THSD4: variants seen among roughly 807,000 people sequenced by gnomAD.
The protein encoded by THSD4 is thrombospondin type-1 domain-containing protein 4.
A neutral mutation model predicts 119.0 loss-of-function variants in THSD4; 69 were observed. That is an observed-to-expected ratio of 0.58 (90% CI 0.48 to 0.71). The LOEUF (loss-of-function observed/expected upper bound fraction) is 0.71. Among genes scored for constraint, THSD4 ranks in the 30% least tolerant of loss-of-function variants. The probability of loss-of-function intolerance (pLI) is 0.00; values close to 1 mark genes in which losing one functional copy is unlikely to be tolerated. For missense variants in THSD4, 1,393 were observed against 1,391.1 expected, an observed-to-expected ratio of 1.00 and a Z score of -0.02; for synonymous variants, 524 against 540.4, an observed-to-expected ratio of 0.97 and a Z score of 0.42.
chr15:71,290,521 A>G (rs1420052177), intron 6 of THSD4, among the ~76,000 whole-genome samples: 1 of 152,200 alleles, frequency 6.6e-6, no homozygotes, highest in African/African-American at 2.4e-5. Context: ...ACTGTTGTTT[A>G]CAATGACATT....
chr15:71,441,843 G>T (rs946463256), intron 7 of THSD4, among the ~76,000 whole-genome samples: 1 of 152,106 alleles, frequency 6.6e-6, no homozygotes, highest in Non-Finnish European at 1.5e-5. Context: ...TACTGACCCC[G>T]CAGGTTTGTG....
chr15:71,568,732 C>A (rs2049291726), intron 7 of THSD4, among the ~76,000 whole-genome samples: 1 of 152,024 alleles, frequency 6.6e-6, no homozygotes, highest in Non-Finnish European at 1.5e-5. Flanking sequence ...TCATGCTATC[C>A]CTCCCCCTTC....
intron 9 of THSD4, chr15:71,730,048 G>A (rs1321431765): frequency 6.6e-6 from 1 of 152,162 alleles, no homozygotes; most frequent in African/African-American, 2.4e-5. Flanking sequence ...TCAGTAGGGA[G>A]TGGCAAGAGA....
chr15:71,499,982 C>G (rs911827248), intron 7 of THSD4, among the ~76,000 whole-genome samples: 1 of 152,050 alleles, frequency 6.6e-6, no homozygotes, highest in African/African-American at 2.4e-5. Flanking sequence ...GTTTTCAGTT[C>G]TTTTGGATAG....
At chr15:71,593,684 C>T (rs531886253) in intron 7 of THSD4, among the ~76,000 whole-genome samples, 71 of 152,048 alleles carry the variant, frequency 4.7e-4, no homozygotes, top group African/African-American at 1.6e-3. Context: ...TTACAAGAGC[C>T]CAGGAGTTTG....
In THSD4 at chr15:71,288,721, G is replaced by A. The variant is rs146939869; in HGVS notation, c.1015+32006G>A. On this transcript the variant is annotated intron_variant, in intron 6 of 17. Coordinates refer to ENST00000261862, the MANE Select transcript of THSD4 (RefSeq NM_024817.3). ...TCATCTGTTTATTCAGTAAATTTCC[G>A]TATCTTACTAATCACAACAGCATCC... Among the ~76,000 whole-genome samples the A allele has an allele frequency of 6.9e-3, 1,043 of 152,246 alleles. 10 individuals are homozygous for A. Among genetic ancestry groups the A allele is most frequent in the African/African-American group, 0.024 (1,004 of 41,552 alleles).
chr15:71,507,884 C>A (rs2048215094), intron 7 of THSD4, among the ~76,000 whole-genome samples: 1 of 152,206 alleles, frequency 6.6e-6, no homozygotes, highest in Non-Finnish European at 1.5e-5. Flanking sequence ...CTCAACTGAG[C>A]AAATTAACCA....
At chr15:71,579,584 A>G (rs1426234880) in intron 7 of THSD4, among the ~76,000 whole-genome samples, 2 of 152,190 alleles carry the variant, frequency 1.3e-5, no homozygotes, top group Admixed American at 6.5e-5. Flanking sequence ...CTGAGAAAAG[A>G]TTGCTACTGT....
chr15:71,714,808 C>T (rs2052576331), intron 8 of THSD4, among the ~76,000 whole-genome samples: 1 of 152,310 alleles, frequency 6.6e-6, no homozygotes, highest in Middle Eastern at 3.4e-3. Context: ...GCACTCCAGC[C>T]TGGGCAACAA....
intron 7 of THSD4, among the ~76,000 whole-genome samples, chr15:71,471,490 G>T (rs1478117506): frequency 6.6e-6 from 1 of 151,922 alleles, no homozygotes; most frequent in African/African-American, 2.4e-5. Context: ...GTGCCCCTCT[G>T]AGGCCCTCCA....
chr15:71,502,835 T>G (rs1375855933), intron 7 of THSD4, among the ~76,000 whole-genome samples: 1 of 152,182 alleles, frequency 6.6e-6, no homozygotes, highest in Non-Finnish European at 1.5e-5. Context: ...AATGAGGTCT[T>G]TCTGACAAAT....
chr15:71,104,581 A>T (rs146042471), intron 1 of THSD4, among the ~76,000 whole-genome samples: 1 of 152,240 alleles, frequency 6.6e-6, no homozygotes, highest in African/African-American at 2.4e-5. Flanking sequence ...TAGAGAACAC[A>T]GTCTCAATAG....
intron 7 of THSD4, among the ~76,000 whole-genome samples, chr15:71,553,326 CTTTTT>C (rs11288031): frequency 7.5e-6 from 1 of 133,498 alleles, no homozygotes; most frequent in Non-Finnish European, 1.6e-5. Context: ...TTCTACTAGA[CTTTTT>C]TTTTTTTTTT....
intron 7 of THSD4, among the ~76,000 whole-genome samples, chr15:71,490,282 C>T (rs1305818812): frequency 1.3e-5 from 2 of 152,000 alleles, no homozygotes; most frequent in African/African-American, 2.4e-5. Flanking sequence ...AAAATTAGGC[C>T]GGGCGTGGTG....
At chr15:71,403,817 C>T (rs1419151934) in intron 6 of THSD4, among the ~76,000 whole-genome samples, 2 of 146,464 alleles carry the variant, frequency 1.4e-5, no homozygotes, top group Non-Finnish European at 3.0e-5. Context: ...CCCTATGGGA[C>T]TTGGGGGCAA....
At chr15:71,129,375 T>G (rs1481440478) in intron 1 of THSD4, among the ~76,000 whole-genome samples, 1 of 152,194 alleles carries the variant, frequency 6.6e-6, no homozygotes, top group Admixed American at 6.5e-5. Context: ...TTTCTAGTTC[T>G]GGTTTGAGTC....
intron 6 of THSD4, among the ~76,000 whole-genome samples, chr15:71,398,719 C>G (rs185947134): frequency 1.3e-5 from 2 of 152,112 alleles, no homozygotes; most frequent in East Asian, 3.9e-4. Flanking sequence ...CCAGGGGGTG[C>G]AGAAAGAGGG....
At chr15:71,509,548 G>A (rs4315298) in intron 7 of THSD4, among the ~76,000 whole-genome samples, 62,510 of 152,054 alleles carry the variant, frequency 0.41, 15,552 homozygotes, top group East Asian at 0.77. Flanking sequence ...AGCAGCAAGG[G>A]CATTTCGACT....
intron 7 of THSD4, among the ~76,000 whole-genome samples, chr15:71,616,267 AG>A (rs1000897012): frequency 1.3e-5 from 2 of 152,190 alleles, no homozygotes; most frequent in African/African-American, 4.8e-5. Flanking sequence ...AAAAACCACT[AG>A]TATGAAAAAA....
Sources: gnomAD v4.1 joint callset for allele counts (sites outside exome capture counted in the v4.1 genomes callset) on GRCh38, gnomAD v4.1.1 for gene constraint, MANE v1.5 for transcripts, NCBI Gene and HGNC (gene_info 2026-07-23, HGNC 2026-07-21) for gene names.